Variants in ATP6V0D2 observed in about 807,000 individuals in gnomAD.
ATP6V0D2 encodes the protein V-type proton ATPase subunit d 2.
In ATP6V0D2, 40 loss-of-function variants were observed where a neutral mutation model predicts 40.0. The ratio of observed to expected loss-of-function variants is 1.00; its 90% confidence interval spans 0.78 to 1.30. The LOEUF is 1.30. Ranked by LOEUF, ATP6V0D2 falls within the 50% of genes most tolerant of loss-of-function variation. The pLI is 0.00. For synonymous variants in ATP6V0D2, 179 were observed against 156.3 expected (o/e 1.15, Z -1.08); for missense variants, 470 against 423.1 (o/e 1.11, Z -0.97).
chr8:86,114,556 G>T lies in ATP6V0D2; in HGVS notation c.302+676G>T, dbSNP rs559983278. On this transcript the variant is annotated intron_variant, in intron 2 of 7. Coordinates refer to ENST00000285393, the MANE Select transcript of ATP6V0D2 (RefSeq NM_152565.1). ...GTGGTGGCACTCCCCTGTAGTCCCA[G>T]CTACTCGGGAGGTTGAGGCAGAAGA... Among the ~76,000 whole-genome samples the T allele has an allele frequency of 3.9e-5, 6 of 152,312 alleles. No individual in the cohort carries two copies. In the East Asian group the frequency reaches 1.2e-3, roughly 29 times the overall value.
intron 1 of ATP6V0D2, among the ~76,000 whole-genome samples, chr8:86,099,708 G>T (rs1183169992): frequency 6.6e-6 from 1 of 152,098 alleles, no homozygotes; most frequent in Non-Finnish European, 1.5e-5. Context: ...TGGCCAGGCT[G>T]GTCTTGAACT....
rs11997312 is a variant in ATP6V0D2, at chr8:86,103,200, C to T, written c.130+4092C>T. On this transcript the variant is annotated intron_variant, in intron 1 of 7. Transcript: ENST00000285393. ...TGGCACGATCTTGGCTCACTGCAAC[C>T]TCTGCCTCCCAAGTTCAAGTGATTC... Among the ~76,000 whole-genome samples the T allele has an allele frequency of 6.2e-3, 949 of 152,130 alleles. 11 individuals carry two copies. The highest frequency in any genetic ancestry group is 0.022 in the African/African-American group (913 of 41,500).
intron 2 of ATP6V0D2, among the ~76,000 whole-genome samples, chr8:86,126,043 T>C (rs1586093725): frequency 6.7e-6 from 1 of 150,040 alleles, no homozygotes; most frequent in Middle Eastern, 3.5e-3. Context: ...GTTTTAGTGA[T>C]TCTCCTGCCT....
chr8:86,118,245 A>ATT (rs956710399), intron 2 of ATP6V0D2, among the ~76,000 whole-genome samples: 16 of 32,592 alleles, frequency 4.9e-4, no homozygotes, highest in African/African-American at 9.4e-4. Flanking sequence ...ATTTTTTTTT[A>ATT]TTTTTTTTAG....
At chr8:86,099,838 A>G (rs995636408) in intron 1 of ATP6V0D2, among the ~76,000 whole-genome samples, 1 of 152,220 alleles carries the variant, frequency 6.6e-6, no homozygotes, top group African/African-American at 2.4e-5. Flanking sequence ...ATATCTAAAA[A>G]TATTTGGTTT....
chr8:86,140,510 T>C (rs1013191959), intron 3 of ATP6V0D2, among the ~76,000 whole-genome samples: 1 of 152,202 alleles, frequency 6.6e-6, no homozygotes, highest in South Asian at 2.1e-4. Flanking sequence ...AATAATCGTA[T>C]CTTTTTATAA....
At position 86,145,374 on chromosome 8, in the gene ATP6V0D2, GAAAGA is replaced by G. The variant is rs142197228; in HGVS notation, c.639+2461_639+2465del. ...AGAAGGAAGGAAGGAAGGAAGGAAGGAAAGAAAAGAAAAGAAAAGAAAAGAAAAGA... is the reference window on the plus strand; with the variant it reads ...AGAAGGAAGGAAGGAAGGAAGGAAGGAAAGAAAAGAAAAGAAAAGAAAAGA... On this transcript the variant is annotated intron_variant, in intron 5 of 7. Transcript: ENST00000285393. Among the ~76,000 whole-genome samples the G allele has an allele frequency of 3.9e-3, 306 of 79,220 alleles. 2 individuals carry two copies. Among genetic ancestry groups the G allele is most frequent in the African/African-American group, 9.2e-3 (188 of 20,364 alleles). The allele number at this position is 79,220 out of a possible 152,430, so 52.0% of individuals were successfully genotyped here. A position where few individuals can be genotyped will look rare whatever the true frequency, so the allele number is the denominator to read the frequency against.
rs368693751 is a variant in ATP6V0D2, at chr8:86,128,040, C to T, written c.303-11417C>T. 4.5e-4 allele frequency among the ~76,000 whole-genome samples: 69 copies of T among 151,856 alleles called. 1 individual carries two copies. In the East Asian group the frequency reaches 8.5e-3, roughly 19 times the overall value. On this transcript the variant is annotated intron_variant, in intron 2 of 7. Transcript: ENST00000285393. ...GAGGTTGTGGTGAGCTATGATTGCG[C>T]CACTTGGGTTTGGATGACAAAGACC... is the stretch of plus-strand genomic sequence containing the variant.
intron 1 of ATP6V0D2, among the ~76,000 whole-genome samples, chr8:86,105,907 C>A (rs1037680941): frequency 6.6e-6 from 1 of 151,988 alleles, no homozygotes; most frequent in African/African-American, 2.4e-5. Context: ...AGCCACTGTG[C>A]CTGGCTGCCT....
chr8:86,120,109 C>T (rs1392774201), intron 2 of ATP6V0D2, among the ~76,000 whole-genome samples: 2 of 152,090 alleles, frequency 1.3e-5, no homozygotes, highest in African/African-American at 2.4e-5. Context: ...TTAAAAAATA[C>T]ACTTTGAGCC....
chr8:86,151,683 T>TTGC (rs1248668642), intron 7 of ATP6V0D2, 143 bp downstream of exon 7: 4 of 631,526 alleles, frequency 6.3e-6, no homozygotes, highest in Non-Finnish European at 1.1e-5. Context: ...TGATGTATTA[T>TTGC]TGCTACAAAG....
At chr8:86,115,529 C>G (rs552330360) in intron 2 of ATP6V0D2, among the ~76,000 whole-genome samples, 1 of 151,700 alleles carries the variant, frequency 6.6e-6, no homozygotes, top group Non-Finnish European at 1.5e-5. Flanking sequence ...CTGCCATGCC[C>G]GGCTAATTTT....
intron 1 of ATP6V0D2, among the ~76,000 whole-genome samples, chr8:86,107,055 T>A (rs889030207): frequency 2.6e-5 from 4 of 152,096 alleles, no homozygotes; most frequent in African/African-American, 9.7e-5. Flanking sequence ...TGACACCATT[T>A]ACTACCTAGA....
chr8:86,153,208 C>A lies in ATP6V0D2; in HGVS notation c.*231C>A. The A allele has an allele frequency of 3.1e-6, 1 of 319,216 alleles. No homozygotes were observed. Among genetic ancestry groups the A allele is most frequent in the Non-Finnish European group, 5.6e-6 (1 of 177,782 alleles). The allele number at this position is 319,216 out of a possible 1,614,324, so 19.8% of individuals were successfully genotyped here. A position where few individuals can be genotyped will look rare whatever the true frequency, so the allele number is the denominator to read the frequency against. ...CATGTCTGTCTCATTCTTCACTGGG[C>A]CTTACAGGTTAGTTTTAATTAACTC... On this transcript the variant is annotated 3_prime_UTR_variant, in exon 8 of 8. Transcript: ENST00000285393.
intron 3 of ATP6V0D2, among the ~76,000 whole-genome samples, chr8:86,141,091 G>A (rs1327990702): frequency 6.6e-6 from 1 of 152,082 alleles, no homozygotes; most frequent in Non-Finnish European, 1.5e-5. Flanking sequence ...TGACAGGAGG[G>A]GGAGCTCAGG....
intron 2 of ATP6V0D2, among the ~76,000 whole-genome samples, chr8:86,114,361 A>G (rs1818566434): frequency 6.6e-6 from 1 of 152,184 alleles, no homozygotes; most frequent in African/African-American, 2.4e-5. Flanking sequence ...TGTGCAACAC[A>G]TGAGCTCCTC....
chr8:86,115,258 C>T (rs1014490158), intron 2 of ATP6V0D2, among the ~76,000 whole-genome samples: 4 of 151,762 alleles, frequency 2.6e-5, no homozygotes, highest in Non-Finnish European at 4.4e-5. Flanking sequence ...AATGATGGCG[C>T]TGCCTCAAGG....
chr8:86,115,230 T>C (rs1818577446), intron 2 of ATP6V0D2, among the ~76,000 whole-genome samples: 1 of 152,102 alleles, frequency 6.6e-6, no homozygotes, highest in Non-Finnish European at 1.5e-5. Context: ...TTTCAGCCTC[T>C]GTCTGGTTGA....
intron 2 of ATP6V0D2, among the ~76,000 whole-genome samples, chr8:86,136,341 G>A (rs781117824): frequency 9.9e-5 from 15 of 152,268 alleles, no homozygotes; most frequent in Admixed American, 3.9e-4. Context: ...CTGGTCGCCC[G>A]TCAACGTTGC....
Sources: gnomAD v4.1 joint callset for allele counts (sites outside exome capture counted in the v4.1 genomes callset) on GRCh38, gnomAD v4.1.1 for gene constraint, MANE v1.5 for transcripts, NCBI Gene and HGNC (gene_info 2026-07-23, HGNC 2026-07-21) for gene names.